ODR4: variants seen among roughly 807,000 people sequenced by gnomAD.
ODR4 encodes the protein odr-4 GPCR localization factor homolog, also known as protein odr-4 homolog.
ODR4 carries 47 observed loss-of-function variants against 60.2 expected under a neutral mutation model. That is an observed-to-expected ratio of 0.78 (90% CI 0.62 to 1.00). ODR4 has a LOEUF of 1.00. Among genes scored for constraint, ODR4 ranks in the 50% least tolerant of loss-of-function variants. The pLI, the probability that ODR4 is intolerant of heterozygous loss-of-function variation, is 0.00. For synonymous variants in ODR4, 178 were observed against 175.5 expected (o/e 1.01, Z -0.11); for missense variants, 488 against 530.8 (o/e 0.92, Z 0.79).
intron 3 of ODR4, among the ~76,000 whole-genome samples, chr1:186,383,678 G>GATATATATATATATATAT (rs60229243): frequency 0.022 from 3,105 of 140,338 alleles, 59 homozygotes; most frequent in East Asian, 0.038. Flanking sequence ...TGTGTATGTA[G>GATATATATATATATATAT]ATATATATAT....
In ODR4 at chr1:186,420,264, C is replaced by T. The variant is rs1661728586; in HGVS notation, c.*1188C>T. On this transcript the variant is annotated 3_prime_UTR_variant, in exon 14 of 14. Coordinates refer to ENST00000287859, the MANE Select transcript of ODR4 (RefSeq NM_017847.6). ...TTGTCATATGCAGTTTGCCTCAAAT[C>T]AGAAACAAGAAGACATCGGAATCTG... is the stretch of plus-strand genomic sequence containing the variant. 1 of 152,192 alleles carries T rather than the reference C, an allele frequency of 6.6e-6. No individual in the cohort carries two copies. The highest frequency in any genetic ancestry group is 1.5e-5 in the Non-Finnish European group (1 of 68,038). 9.4% of individuals were successfully genotyped at this position (152,192 alleles called of 1,614,324 possible). A position where few individuals can be genotyped will look rare whatever the true frequency, so the allele number is the denominator to read the frequency against.
At chr1:186,432,903 A>G in the ODR4 span, among the ~76,000 whole-genome samples, 2 of 151,462 alleles carry the variant, frequency 1.3e-5, no homozygotes, top group Non-Finnish European at 2.9e-5. Context: ...CTCCTGCCTC[A>G]GCCTCCTGAG....
intron 1 of ODR4, 47 bp downstream of exon 1, chr1:186,376,021 T>TGTGTGTGTGTGTGTGC (rs775716127): frequency 6.2e-6 from 1 of 161,432 alleles, no homozygotes; most frequent in African/African-American, 2.4e-5. Flanking sequence ...TGTGTGTGTG[T>TGTGTGTGTGTGTGTGC]GCTCTCTTTT....
chr1:186,402,196 T>TTCTTTCTTTC (rs2102063908), intron 11 of ODR4, among the ~76,000 whole-genome samples: 1 of 137,932 alleles, frequency 7.2e-6, no homozygotes, highest in Admixed American at 7.2e-5. Context: ...TATTCTTTCT[T>TTCTTTCTTTC]TCTTTCTTTC....
intron 12 of ODR4, among the ~76,000 whole-genome samples, chr1:186,408,673 G>A (rs1661262321): frequency 3.3e-5 from 5 of 149,928 alleles, no homozygotes. Context: ...ATACAAAAAT[G>A]TATTGTTTTC....
At chr1:186,406,354 T>A in intron 12 of ODR4, 86 bp downstream of exon 12, 1 of 1,041,916 alleles carries the variant, frequency 9.6e-7, no homozygotes, top group Non-Finnish European at 1.3e-6. Context: ...ATCATGTCTT[T>A]AGATTTTTTT....
the ODR4 span, among the ~76,000 whole-genome samples, chr1:186,427,376 G>T: frequency 1.3e-5 from 2 of 151,944 alleles, no homozygotes; most frequent in African/African-American, 2.4e-5. Context: ...CCAGGAGTAG[G>T]TTCTATCTCC....
chr1:186,423,523 C>T (rs1038814576), downstream of ODR4, among the ~76,000 whole-genome samples: 1 of 132,272 alleles, frequency 7.6e-6, no homozygotes, highest in Non-Finnish European at 1.5e-5. Context: ...TGCGTGATCT[C>T]GGCTCACTGC....
At position 186,375,985 on chromosome 1, in the gene ODR4, C is replaced by CACT. The variant is rs746510487; in HGVS notation, c.-20+11_-20+12insACT. 73 of 163,556 alleles carry CACT rather than the reference C, an allele frequency of 4.5e-4. No individual in the cohort carries two copies. Among genetic ancestry groups the CACT allele is most frequent in the Non-Finnish European group, 7.8e-4 (60 of 76,984 alleles). The allele number at this position is 163,556 out of a possible 1,614,324, so 10.1% of individuals were successfully genotyped here. ...ACATTCTGAAAACAGGTAAGTCAGC[C>CACT]TAAGTGTAGTGTGTGTGTGTGTGTG... On this transcript the variant is annotated intron_variant, in intron 1 of 13. Coordinates refer to ENST00000287859, the MANE Select transcript of ODR4 (RefSeq NM_017847.6).
At chr1:186,408,772 A>G (rs1404765828) in intron 12 of ODR4, among the ~76,000 whole-genome samples, 2 of 151,670 alleles carry the variant, frequency 1.3e-5, no homozygotes, top group Non-Finnish European at 2.9e-5. Flanking sequence ...TAAACTAAGA[A>G]TGACTAAGGG....
At chr1:186,385,035 G>A (rs1329346661) in intron 3 of ODR4, among the ~76,000 whole-genome samples, 1 of 151,942 alleles carries the variant, frequency 6.6e-6, no homozygotes, top group Non-Finnish European at 1.5e-5. Context: ...ATACAGATAT[G>A]GAGATATCAT....
At chr1:186,406,418 C>A in intron 12 of ODR4, 150 bp downstream of exon 12, 1 of 522,786 alleles carries the variant, frequency 1.9e-6, no homozygotes, top group Non-Finnish European at 3.2e-6. Context: ...TTTTAAAATA[C>A]ATGTTTAATT....
At chr1:186,415,980 T>C (rs1661550594) in intron 12 of ODR4, among the ~76,000 whole-genome samples, 1 of 152,196 alleles carries the variant, frequency 6.6e-6, no homozygotes, top group Non-Finnish European at 1.5e-5. Flanking sequence ...TTTTTGATCA[T>C]AGTTTCAATT....
At chr1:186,398,115 T>C (rs1015221955) in intron 9 of ODR4, among the ~76,000 whole-genome samples, 198 bp from the exon 10 acceptor site, 2 of 152,216 alleles carry the variant, frequency 1.3e-5, no homozygotes, top group African/African-American at 4.8e-5. Flanking sequence ...CATTATATCT[T>C]CAAAATGACT....
chr1:186,393,946 G>A lies in ODR4; in HGVS notation c.712-1G>A. ...GCTTTTTAACTTTTGTGTTTTTTCA[G>A]AAAAAATCTTCTAGAGGAAATACTC... On this transcript the variant is annotated splice_acceptor_variant, in intron 8 of 13. Transcript: ENST00000287859. LOFTEE classifies it high-confidence loss of function. 2 of 1,506,494 alleles carry A rather than the reference G, an allele frequency of 1.3e-6. No homozygotes were observed. The highest frequency in any genetic ancestry group is 2.4e-5 in the South Asian group (2 of 81,776). 93.3% of individuals were successfully genotyped at this position (1,506,494 alleles called of 1,614,324 possible).
At chr1:186,413,595 T>C (rs1571700220) in intron 12 of ODR4, among the ~76,000 whole-genome samples, 1 of 152,172 alleles carries the variant, frequency 6.6e-6, no homozygotes, top group African/African-American at 2.4e-5. Flanking sequence ...TCTAAAAAAA[T>C]TTGAAGTCAT....
At chr1:186,380,640 G>T (rs1220574951) in intron 2 of ODR4, among the ~76,000 whole-genome samples, 1 of 150,306 alleles carries the variant, frequency 6.7e-6, no homozygotes, top group African/African-American at 2.4e-5. Context: ...ACAGGAGAGT[G>T]CACTTTGGCC....
intron 11 of ODR4, chr1:186,400,505 C>T (rs1398220976): frequency 6.6e-6 from 1 of 152,586 alleles, no homozygotes; most frequent in Non-Finnish European, 1.5e-5. Flanking sequence ...GGCTCGAACT[C>T]CTGACCTCAG....
At chr1:186,404,400 C>T (rs976096341) in intron 11 of ODR4, among the ~76,000 whole-genome samples, 5 of 152,102 alleles carry the variant, frequency 3.3e-5, no homozygotes, top group Middle Eastern at 3.4e-3. Context: ...AGTTATTTAA[C>T]GTTTGATTTT....
Sources: gnomAD v4.1 joint callset for allele counts (sites outside exome capture counted in the v4.1 genomes callset) on GRCh38, gnomAD v4.1.1 for gene constraint, MANE v1.5 for transcripts, NCBI Gene and HGNC (gene_info 2026-07-23, HGNC 2026-07-21) for gene names.